The following ITGA2B variants were observed in gnomAD, a reference collection of about 807,000 sequenced individuals.
ITGA2B encodes the protein integrin alpha-IIb.
ITGA2B carries 91 observed loss-of-function variants against 142.0 expected under a neutral mutation model. The ratio of observed to expected loss-of-function variants is 0.64; its 90% CI spans 0.54 to 0.76. ITGA2B has a LOEUF of 0.76. Among genes scored for constraint, ITGA2B ranks in the 30% least tolerant of loss-of-function variants. ITGA2B has a pLI of 0.00. For synonymous variants in ITGA2B, 536 were observed against 567.2 expected (o/e 0.94, Z 0.78); for missense variants, 1,231 against 1,350.8 (o/e 0.91, Z 1.39).
intron 20 of ITGA2B, 108 bp from the exon 21 acceptor site, chr17:44,377,898 G>GGT: frequency 7.1e-5 from 24 of 339,544 alleles, no homozygotes; most frequent in South Asian, 1.1e-4. Flanking sequence ...GGAGGGGGGG[G>GGT]TTTCTTGGGG....
intron 5 of ITGA2B, 31 bp from the exon 6 acceptor site, chr17:44,385,240 G>A: frequency 6.2e-7 from 1 of 1,613,898 alleles, no homozygotes; most frequent in Non-Finnish European, 8.5e-7. Flanking sequence ...GTGAGAGGGG[G>A]CCCTGTTTGG....
intron 29 of ITGA2B, chr17:44,373,989 TC>T: frequency 7.6e-4 from 232 of 304,366 alleles, no homozygotes; most frequent in South Asian, 1.6e-3. Flanking sequence ...CACTGCAACC[TC>T]CGCCTCCTGG....
intron 20 of ITGA2B, 36 bp downstream of exon 20, chr17:44,378,326 A>G (rs1441405743): frequency 6.3e-7 from 1 of 1,592,032 alleles, no homozygotes; most frequent in Non-Finnish European, 8.6e-7. Flanking sequence ...AGTGCCTCCC[A>G]GGTCCCGGGT....
rs1598379884 is a variant in ITGA2B, at chr17:44,380,441, G to A, written c.1489C>T (p.Leu497=). 6.2e-7 allele frequency: 1 copy of A among 1,614,172 alleles called. No homozygotes were observed. The highest frequency in any genetic ancestry group is 8.5e-7 in the Non-Finnish European group (1 of 1,180,032). ...ASVQLLVQDS[L]NPAVKSCVLP... is the part of the protein sequence containing the mutation. ...ACACAGCTCTTCACAGCAGGATTCAGTGAATCTTGCACCAGTAGCTGGACA... is the reference window on the plus strand; with the variant it reads ...ACACAGCTCTTCACAGCAGGATTCAATGAATCTTGCACCAGTAGCTGGACA... The change falls in exon 15 of 30, where the codon CTG becomes TTG. Residue 497 remains leucine, a synonymous_variant. Transcript: ENST00000262407.
chr17:44,383,914 G>A lies in ITGA2B; in HGVS notation c.978C>T (p.Val326=), dbSNP rs142292454. ...CTCACCCATCCCCGTTGACGTCAGT[G>A]ACAGCCACTGAATGCCCAAAATACG... ...MASYFGHSVA[V]TDVNGDGRHD... is the part of the protein sequence containing the mutation. Residue 326 remains valine, a synonymous_variant, in exon 11 of 30, where the codon GTC becomes GTT. Coordinates refer to ENST00000262407, the MANE Select transcript of ITGA2B (RefSeq NM_000419.5). 6.2e-5 allele frequency: 100 copies of A among 1,613,872 alleles called. No homozygotes were observed. The African/African-American group carries it at 1.3e-3, about 20-fold the overall frequency.
Position 44,385,343 on chromosome 17 carries a change from A to T in ITGA2B, c.575-8T>A. ...AGTAACGCTTGTCCCAGCCTGCAGG[A>T]GACAAGGAGGAGGGGTCAGCGCAGG... On this transcript the variant is annotated splice_polypyrimidine_tract_variant and splice_region_variant and intron_variant, in intron 4 of 29. Coordinates refer to ENST00000262407, the MANE Select transcript of ITGA2B (RefSeq NM_000419.5). 6.2e-7 allele frequency: 1 copy of T among 1,609,650 alleles called. No individual in the cohort carries two copies. The highest frequency in any genetic ancestry group is 8.5e-7 in the Non-Finnish European group (1 of 1,179,644).
At position 44,383,933 on chromosome 17, in the gene ITGA2B, A is replaced by G; in HGVS notation, c.959T>C (p.Phe320Ser). The G allele has an allele frequency of 6.2e-7, 1 of 1,614,018 alleles. No homozygotes were observed. The highest frequency in any genetic ancestry group is 2.2e-5 in the East Asian group (1 of 44,868). ...GTCAGTGACAGCCACTGAATGCCCA[A>G]AATACGACGCCATCTGCAAGATGAG... Reference protein sequence around the residue: ...RLRGEQMASYFGHSVAVTDVN... With the variant: ...RLRGEQMASYSGHSVAVTDVN... Residue 320 changes from phenylalanine (F) to serine (S), a missense_variant, in exon 11 of 30, where the codon TTT becomes TCT. Physicochemically the swap from Phe to Ser is radical, Grantham distance 155 (BLOSUM62 -2). This residue lies in a region of ITGA2B where 908 missense variants were observed against 1,021.1 expected (regional missense o/e 0.89). Transcript: ENST00000262407.
intron 20 of ITGA2B, among the ~76,000 whole-genome samples, chr17:44,378,077 A>G (rs978485417): frequency 1.3e-5 from 2 of 152,138 alleles, no homozygotes; most frequent in African/African-American, 4.8e-5. Flanking sequence ...TGTGAGTGTG[A>G]GTCAATATTG....
chr17:44,388,611 C>T (rs1372898632), intron 1 of ITGA2B, among the ~76,000 whole-genome samples: 2 of 151,776 alleles, frequency 1.3e-5, no homozygotes, highest in Non-Finnish European at 1.5e-5. Flanking sequence ...CTCCACCTCC[C>T]GGGTTCAAGT....
At position 44,376,953 on chromosome 17, in the gene ITGA2B, GCACGGGGGTCAGACGGGGGA is replaced by G. The variant is rs1221310076; in HGVS notation, c.2267+36_2267+55del. 8.4e-6 allele frequency: 12 copies of G among 1,423,046 alleles called. No individual in the cohort carries two copies. The African/African-American group carries it at 1.6e-4, about 18-fold the overall frequency. The allele number at this position is 1,423,046 out of a possible 1,614,324, so 88.2% of individuals were successfully genotyped here. Reference sequence around the variant, plus strand: ...GTATGGAAGGGACCTGAGGGGCTCTGCACGGGGGTCAGACGGGGGAAGGGTGGTGGGTAGGCACGCTCGCC... The same window carrying G: ...GTATGGAAGGGACCTGAGGGGCTCTGAGGGTGGTGGGTAGGCACGCTCGCC... On this transcript the variant is annotated intron_variant, in intron 22 of 29. Transcript: ENST00000262407.
chr17:44,378,602 C>G lies in ITGA2B; in HGVS notation c.1946+41G>C, dbSNP rs779258049. 10 of 1,583,650 alleles carry G rather than the reference C, an allele frequency of 6.3e-6. No individual in the cohort carries two copies. In the South Asian group the frequency reaches 1.2e-4, roughly 18 times the overall value. On this transcript the variant is annotated intron_variant, in intron 19 of 29. Coordinates refer to ENST00000262407, the MANE Select transcript of ITGA2B (RefSeq NM_000419.5). ...TAAGGTGTGGAGCAGGTATGATAGGCAGAAAGGGCCAGGGTCGGGCAGAAT... is the reference window on the plus strand; with the variant it reads ...TAAGGTGTGGAGCAGGTATGATAGGGAGAAAGGGCCAGGGTCGGGCAGAAT...
intron 26 of ITGA2B, 54 bp downstream of exon 26, chr17:44,375,537 C>T (rs1265324401): frequency 6.2e-7 from 1 of 1,604,332 alleles, no homozygotes; most frequent in South Asian, 1.1e-5. Flanking sequence ...CTCCCATCCC[C>T]TCTGCCCCGT....
Position 44,376,394 on chromosome 17 carries a change from G to C in ITGA2B, c.2268-6C>G. Reference sequence around the variant, plus strand: ...TTGGATTCTGGCTGTTCTTGCTAGAGGGGAGGGGATGAGGAGAAACAGGGC... The same window carrying C: ...TTGGATTCTGGCTGTTCTTGCTAGACGGGAGGGGATGAGGAGAAACAGGGC... On this transcript the variant is annotated splice_polypyrimidine_tract_variant and splice_region_variant and intron_variant, in intron 22 of 29. Transcript: ENST00000262407. The C allele has an allele frequency of 6.2e-7, 1 of 1,614,140 alleles. No individual in the cohort carries two copies. Among genetic ancestry groups the C allele is most frequent in the South Asian group, 1.1e-5 (1 of 91,086 alleles).
intron 9 of ITGA2B, 70 bp from the exon 10 acceptor site, chr17:44,384,208 G>T: frequency 6.3e-7 from 1 of 1,596,590 alleles, no homozygotes; most frequent in South Asian, 1.1e-5. Flanking sequence ...GGTGAGAAAG[G>T]GTGGTTTGGT....
At position 44,377,102 on chromosome 17, in the gene ITGA2B, A is replaced by G. The variant is rs761556510; in HGVS notation, c.2188-14T>C. ...CGCGATTCCTATCTGGGAGATGAGG[A>G]GGGCCAAGGTCACTGCCCAAGTGCC... is the stretch of plus-strand genomic sequence containing the variant. On this transcript the variant is annotated splice_polypyrimidine_tract_variant and intron_variant, in intron 21 of 29. Coordinates refer to ENST00000262407, the MANE Select transcript of ITGA2B (RefSeq NM_000419.5). 23 of 1,558,176 alleles carry G rather than the reference A, an allele frequency of 1.5e-5. No individual in the cohort carries two copies. The East Asian group carries it at 5.4e-4, about 37-fold the overall frequency.
rs5915 is a variant in ITGA2B, at chr17:44,389,355, G to A, written c.119C>T (p.Thr40Ile). 22 of 1,614,150 alleles carry A rather than the reference G, an allele frequency of 1.4e-5. No individual in the cohort carries two copies. The African/African-American group carries it at 2.3e-4, about 17-fold the overall frequency. Residue 40 changes from threonine to isoleucine, a missense_variant, in exon 1 of 30, where the codon ACC (threonine) becomes ATC (isoleucine). Transcript: ENST00000262407. ...WALNLDPVQLTFYAGPNGSQF... is the reference protein window; with the variant it reads ...WALNLDPVQLIFYAGPNGSQF... Reference sequence around the variant, plus strand: ...GCTGCCATTGGGGCCTGCATAGAAGGTGAGCTGCACTGGGTCCAGGTTCAA... The same window carrying A: ...GCTGCCATTGGGGCCTGCATAGAAGATGAGCTGCACTGGGTCCAGGTTCAA...
intron 12 of ITGA2B, 136 bp downstream of exon 12, chr17:44,383,357 C>T (rs1368895187): frequency 1.2e-6 from 1 of 803,946 alleles, no homozygotes; most frequent in African/African-American, 1.7e-5. Context: ...GCTCTCCACT[C>T]AGCACCCCAT....
intron 21 of ITGA2B, among the ~76,000 whole-genome samples, chr17:44,377,429 C>G (rs1279686925): frequency 6.6e-6 from 1 of 151,920 alleles, no homozygotes; most frequent in Non-Finnish European, 1.5e-5. Context: ...CTCCTGACCT[C>G]GTGATCCACC....
intron 18 of ITGA2B, 76 bp downstream of exon 18, chr17:44,379,613 G>T: frequency 6.2e-7 from 1 of 1,607,712 alleles, no homozygotes; most frequent in South Asian, 1.1e-5. Flanking sequence ...TTCACATTGT[G>T]ACTTGGCACT....
Sources: allele counts gnomAD v4.1 joint callset (sites outside exome capture counted in the v4.1 genomes callset), GRCh38; gene constraint gnomAD v4.1.1; regional missense constraint gnomAD v4.1.1; transcripts MANE v1.5; gene names NCBI Gene and HGNC (gene_info 2026-07-23, HGNC 2026-07-21).